Variants in ANKRD28 observed in about 807,000 individuals in gnomAD.
ANKRD28 encodes the protein serine/threonine-protein phosphatase 6 regulatory ankyrin repeat subunit A.
In ANKRD28, 44 loss-of-function variants were observed where a neutral mutation model predicts 126.5. That is an observed-to-expected ratio of 0.35 (90% CI 0.27 to 0.45). ANKRD28 has a LOEUF of 0.45. Among genes scored for constraint, ANKRD28 ranks in the 20% least tolerant of loss-of-function variants. The pLI is 1.00. For synonymous variants in ANKRD28, 442 were observed against 468.5 expected, an observed-to-expected ratio of 0.94 and a Z score of 0.73; for missense variants, 1,110 against 1,316.6, an observed-to-expected ratio of 0.84 and a Z score of 2.43.
chr3:15,745,591 A>G (rs2057423131), intron 4 of ANKRD28, among the ~76,000 whole-genome samples: 3 of 152,104 alleles, frequency 2.0e-5, no homozygotes, highest in Admixed American at 6.5e-5. Flanking sequence ...TACCAGTACC[A>G]TGCTGTTTTG....
chr3:15,739,227 G>A (rs1325410945), intron 4 of ANKRD28, among the ~76,000 whole-genome samples: 1 of 152,120 alleles, frequency 6.6e-6, no homozygotes, highest in Non-Finnish European at 1.5e-5. Context: ...GACAGGCATA[G>A]GAAATCACAA....
rs1446493756 is a variant in ANKRD28, at chr3:15,815,635, C to T, written c.28-20329G>A. On this transcript the variant is annotated intron_variant, in intron 1 of 27. Coordinates refer to the ANKRD28 transcript ENST00000399451. The surrounding 1 kb of genome is among the most constrained non-coding windows in gnomAD (Gnocchi z 4.1). ...TGTTCTGAAAGAATCGTCATCAATG[C>T]TATGACAAAGAATCATCTTTGTTAT... 6.6e-6 allele frequency among the ~76,000 whole-genome samples: 1 copy of T among 152,100 alleles called. No homozygotes were observed. Among genetic ancestry groups the T allele is most frequent in the Non-Finnish European group, 1.5e-5 (1 of 68,018 alleles).
chr3:15,839,286 C>A lies in ANKRD28; in HGVS notation c.27+20091G>T, dbSNP rs2061384706. ...CCTCAATAAACTGTTAAAAAAAAAA[C>A]ACACTGATCTAACCAATCACCAGCT... is the stretch of plus-strand genomic sequence containing the variant. On this transcript the variant is annotated intron_variant, in intron 1 of 27. Transcript: ENST00000399451. This position sits in a 1 kb window ranked among gnomAD's most constrained non-coding sequence, Gnocchi z 4.3. Among the ~76,000 whole-genome samples the A allele has an allele frequency of 1.3e-5, 2 of 150,626 alleles. No individual in the cohort carries two copies. Among genetic ancestry groups the A allele is most frequent in the Non-Finnish European group, 1.5e-5 (1 of 67,638 alleles).
rs751785303 is a variant in ANKRD28, at chr3:15,839,275, T to TA, written c.27+20101dup. ...TATAAATTATACCTCAATAAACTGT[T>TA]AAAAAAAAAACACACTGATCTAACC... On this transcript the variant is annotated intron_variant, in intron 1 of 27. Transcript: ENST00000399451. This position sits in a 1 kb window ranked among gnomAD's most constrained non-coding sequence, Gnocchi z 4.3. Among the ~76,000 whole-genome samples the TA allele has an allele frequency of 4.3e-3, 636 of 148,148 alleles. 2 individuals carry two copies. Among genetic ancestry groups the TA allele is most frequent in the African/African-American group, 0.012 (468 of 40,434 alleles).
intron 3 of ANKRD28, among the ~76,000 whole-genome samples, chr3:15,763,081 T>C (rs1398931259): frequency 2.0e-5 from 3 of 152,236 alleles, no homozygotes; most frequent in Non-Finnish European, 4.4e-5. Context: ...GCTGAGGTTC[T>C]AGTTCAATAG....
chr3:15,703,046 C>T (rs1249114888), intron 14 of ANKRD28, among the ~76,000 whole-genome samples: 1 of 152,106 alleles, frequency 6.6e-6, no homozygotes, highest in African/African-American at 2.4e-5. Flanking sequence ...AAAGGCAGAG[C>T]TAGTATCAAA....
At chr3:15,859,757 AGCCCCCGCGGCCGCGCCGTTCCAGCCC>A (rs2061866852) in exon 1 of ANKRD28, 1 of 153,082 alleles carries the variant, frequency 6.5e-6, no homozygotes, top group Non-Finnish European at 1.5e-5. Context: ...ATACCCTGGC[AGCCCCCGCGGCCGCGCCGTTCCAGCCC>A]GCGGCAGCGG....
At position 15,701,543 on chromosome 3, in the gene ANKRD28, C is replaced by G. The variant is rs374572728; in HGVS notation, c.1548-5298G>C. On this transcript the variant is annotated intron_variant, in intron 14 of 27. Transcript: ENST00000683139. ...CCTGTAATCCCAGCTCCTCGGGAGG[C>G]TGAGGCAGGAGAATCACTTGAACCC... is the stretch of plus-strand genomic sequence containing the variant. Among the ~76,000 whole-genome samples the G allele has an allele frequency of 2.3e-3, 356 of 152,142 alleles. 2 individuals are homozygous for G. Among genetic ancestry groups the G allele is most frequent in the African/African-American group, 7.8e-3 (322 of 41,490 alleles).
At chr3:15,859,570 T>C in exon 1 of ANKRD28, 1 of 314,294 alleles carries the variant, frequency 3.2e-6, no homozygotes, top group Non-Finnish European at 4.7e-6. Context: ...CGGCGCCGCC[T>C]CCCCGGCCGC....
intron 1 of ANKRD28, among the ~76,000 whole-genome samples, chr3:15,850,098 T>A (rs2061605345): frequency 6.6e-6 from 1 of 150,846 alleles, no homozygotes; most frequent in African/African-American, 2.4e-5. Flanking sequence ...TAGAGTCAAC[T>A]GATTTATGAT....
intron 2 of ANKRD28, among the ~76,000 whole-genome samples, chr3:15,782,875 G>C (rs2059600319): frequency 6.6e-6 from 1 of 152,234 alleles, no homozygotes; most frequent in Admixed American, 6.5e-5. Flanking sequence ...GTTTTGTACA[G>C]AAGGCTGCAT....
At chr3:15,858,829 G>A (rs1415504725) in intron 1 of ANKRD28, among the ~76,000 whole-genome samples, 1 of 152,224 alleles carries the variant, frequency 6.6e-6, no homozygotes, top group East Asian at 1.9e-4. Context: ...TCTTTGACCA[G>A]CTCTTCATAA....
At chr3:15,760,205 AGAG>A (rs1381481363) in intron 3 of ANKRD28, among the ~76,000 whole-genome samples, 2 of 152,186 alleles carry the variant, frequency 1.3e-5, no homozygotes, top group Non-Finnish European at 2.9e-5. Flanking sequence ...GTGGACGATA[AGAG>A]GAGAGAGAGG....
chr3:15,839,529 G>A lies in ANKRD28; in HGVS notation c.27+19848C>T, dbSNP rs1317449709. On this transcript the variant is annotated intron_variant, in intron 1 of 27. Coordinates refer to the ANKRD28 transcript ENST00000399451. This position sits in a 1 kb window ranked among gnomAD's most constrained non-coding sequence, Gnocchi z 4.3. ...AGATAGAGGGCTACTTGAAGAGTGG[G>A]TCAAATTTCCATCTGCAGGGTAAAT... 6.6e-6 allele frequency among the ~76,000 whole-genome samples: 1 copy of A among 151,926 alleles called. No homozygotes were observed. The highest frequency in any genetic ancestry group is 2.4e-5 in the African/African-American group (1 of 41,328).
intron 15 of ANKRD28, among the ~76,000 whole-genome samples, chr3:15,695,664 G>A (rs2069434627): frequency 6.6e-6 from 1 of 152,044 alleles, no homozygotes; most frequent in Non-Finnish European, 1.5e-5. Flanking sequence ...GTGAATGGTG[G>A]TATTCTATTC....
At chr3:15,743,660 C>G (rs531971467) in intron 4 of ANKRD28, among the ~76,000 whole-genome samples, 1 of 151,864 alleles carries the variant, frequency 6.6e-6, no homozygotes, top group African/African-American at 2.4e-5. Context: ...ATATGCAGTA[C>G]TTACACAGAG....
chr3:15,670,357 A>G lies in ANKRD28; in HGVS notation c.3165T>C (p.Tyr1055=), dbSNP rs754542101. 14 of 1,613,884 alleles carry G rather than the reference A, an allele frequency of 8.7e-6. No individual in the cohort carries two copies. The highest frequency in any genetic ancestry group is 3.3e-5 in the Admixed American group (2 of 60,004). The change falls in exon 28 of 28, where the codon TAT becomes TAC. Residue 1055 remains tyrosine (Y), a synonymous_variant. Coordinates refer to ENST00000683139, the MANE Select transcript of ANKRD28 (RefSeq NM_001349278.2). ...CCCCTCCAATGTTATTGAAACTGCA[A>G]TAGGAGCTAGGTTCATTCCTCATGA... ...LPIMRNEPSS[Y]CSFNNIGGEQ...
chr3:15,670,072 T>C lies in ANKRD28; in HGVS notation c.*198A>G, dbSNP rs966223250. The C allele has an allele frequency of 4.8e-5, 28 of 579,598 alleles. No homozygotes were observed. Among genetic ancestry groups the C allele is most frequent in the Non-Finnish European group, 7.5e-5 (25 of 333,174 alleles). The allele number at this position is 579,598 out of a possible 1,614,324, so 35.9% of individuals were successfully genotyped here. A position where few individuals can be genotyped will look rare whatever the true frequency, so the allele number is the denominator to read the frequency against. On this transcript the variant is annotated 3_prime_UTR_variant, in exon 28 of 28. Transcript: ENST00000683139. ...TCAATGTGTTTTCCTCAGTCAGGTC[T>C]ATTTCAAGATTCTAGAAGTTCCTTT...
At position 15,838,162 on chromosome 3, in the gene ANKRD28, G is replaced by GTT. The variant is rs2061360532; in HGVS notation, c.27+21213_27+21214dup. Among the ~76,000 whole-genome samples the GTT allele has an allele frequency of 6.6e-6, 1 of 152,084 alleles. No homozygotes were observed. On this transcript the variant is annotated intron_variant, in intron 1 of 27. Coordinates refer to the ANKRD28 transcript ENST00000399451. The surrounding 1 kb of genome is among the most constrained non-coding windows in gnomAD (Gnocchi z 4.0). The stretch of plus-strand genomic sequence containing the variant: ...ACAAAGAAAAGCCTTGGCCCACATA[G>GTT]TTTCTTTCACTGGTGAATTTTACCA...
Sources: allele counts gnomAD v4.1 joint callset (sites outside exome capture counted in the v4.1 genomes callset), GRCh38; gene constraint gnomAD v4.1.1; non-coding constraint Gnocchi (gnomAD v3.1); transcripts MANE v1.5; gene names NCBI Gene and HGNC (gene_info 2026-07-23, HGNC 2026-07-21).